Variants in KIRREL3 observed in about 807,000 individuals in gnomAD.
KIRREL3 encodes kirre like nephrin family adhesion molecule 3.
In KIRREL3, 36 loss-of-function variants were observed where a neutral mutation model predicts 89.7. The observed-to-expected ratio is 0.40, with a 90% CI of 0.31 to 0.53. The LOEUF is 0.53. Among genes scored for constraint, KIRREL3 ranks in the 20% least tolerant of loss-of-function variants. The pLI is 0.49. For synonymous variants in KIRREL3, 445 were observed against 441.4 expected (o/e 1.01, Z -0.10); for missense variants, 864 against 1,056.6 (o/e 0.82, Z 2.53).
chr11:126,438,124 G>A (rs1375869700), intron 11 of KIRREL3, among the ~76,000 whole-genome samples: 3 of 152,254 alleles, frequency 2.0e-5, no homozygotes, highest in South Asian at 2.1e-4. Context: ...TGCGCACTGC[G>A]CCTCCACACA....
intron 1 of KIRREL3, chr11:126,937,194 GA>G (rs1316450461): frequency 6.6e-6 from 1 of 152,170 alleles, no homozygotes; most frequent in African/African-American, 2.4e-5. Context: ...TAGCCAGAAA[GA>G]GGATATGACC....
At chr11:126,503,232 G>A (rs1957917410) in intron 4 of KIRREL3, among the ~76,000 whole-genome samples, 1 of 152,150 alleles carries the variant, frequency 6.6e-6, no homozygotes, top group South Asian at 2.1e-4. Flanking sequence ...GATCTTCCTG[G>A]TGGGGGGCGT....
Position 126,486,145 on chromosome 11 carries a change from G to A in KIRREL3, c.434-12679C>T, listed in dbSNP as rs139371299. ...TATGCAGAGTGGAGGAAGGGAGGTG[G>A]GTAGAGAAGGGAGCTGCAGTGATTT... is the stretch of plus-strand genomic sequence containing the variant. On this transcript the variant is annotated intron_variant, in intron 4 of 16. Transcript: ENST00000525144. The surrounding 1 kb of genome is among the most constrained non-coding windows in gnomAD (Gnocchi z 6.2). 6.6e-6 allele frequency among the ~76,000 whole-genome samples: 1 copy of A among 152,186 alleles called. No homozygotes were observed. Among genetic ancestry groups the A allele is most frequent in the Non-Finnish European group, 1.5e-5 (1 of 68,032 alleles).
In KIRREL3 at chr11:126,562,919, G is replaced by A. The variant is rs759753081; in HGVS notation, c.56-7C>T. 6 of 1,612,782 alleles carry A rather than the reference G, an allele frequency of 3.7e-6. No individual in the cohort carries two copies. Among genetic ancestry groups the A allele is most frequent in the South Asian group, 3.3e-5 (3 of 90,900 alleles). ...CTCTTCTGGAGGCCCAGCTCTGGAA[G>A]AGAAGCATAGGTGGGTGAGTTGGGA... On this transcript the variant is annotated splice_polypyrimidine_tract_variant and splice_region_variant and intron_variant, in intron 1 of 16. Transcript: ENST00000525144. This position sits in a 1 kb window ranked among gnomAD's most constrained non-coding sequence, Gnocchi z 4.7.
intron 6 of KIRREL3, among the ~76,000 whole-genome samples, chr11:126,460,337 G>A (rs945788146): frequency 1.1e-4 from 16 of 152,216 alleles, no homozygotes; most frequent in African/African-American, 3.6e-4. Context: ...CAGACACTGC[G>A]CTAGGGGGCT....
At chr11:126,662,505 G>C (rs952063281) in intron 1 of KIRREL3, among the ~76,000 whole-genome samples, 2 of 152,216 alleles carry the variant, frequency 1.3e-5, no homozygotes, top group Non-Finnish European at 2.9e-5. Context: ...ATCTGGTCTG[G>C]TGAGGGCCTT....
Position 126,891,894 on chromosome 11 carries a change from C to T in KIRREL3, c.55+108561G>A, listed in dbSNP as rs935016618. Among the ~76,000 whole-genome samples, 5 of 152,156 alleles carry T rather than the reference C, an allele frequency of 3.3e-5. No homozygotes were observed. The highest frequency in any genetic ancestry group is 9.7e-5 in the African/African-American group (4 of 41,424). On this transcript the variant is annotated intron_variant, in intron 1 of 16. Transcript: ENST00000525144. This position sits in a 1 kb window ranked among gnomAD's most constrained non-coding sequence, Gnocchi z 5.1. ...CTAGCCCAGGGAAAGAAATCTTGCC[C>T]AAGAATACATATGAATATCTGCAAA...
chr11:126,932,012 T>G (rs1947967379), intron 1 of KIRREL3, among the ~76,000 whole-genome samples: 1 of 152,224 alleles, frequency 6.6e-6, no homozygotes, highest in South Asian at 2.1e-4. Flanking sequence ...TCAAGGAGGC[T>G]TGGTATTGAT....
intron 1 of KIRREL3, among the ~76,000 whole-genome samples, chr11:126,998,709 T>G (rs1244713020): frequency 2.0e-5 from 3 of 152,194 alleles, no homozygotes; most frequent in African/African-American, 7.2e-5. Context: ...GGGAGGTACT[T>G]AGACACCTAT....
rs2064008772 is a variant in KIRREL3, at chr11:126,830,657, G to A, written c.55+169798C>T. The stretch of plus-strand genomic sequence containing the variant: ...ATTGGACAGGCAGGCACTTAGGAAG[G>A]TGTTCGTGCCAGACGCATTCATTGT... On this transcript the variant is annotated intron_variant, in intron 1 of 16. Coordinates refer to ENST00000525144, the MANE Select transcript of KIRREL3 (RefSeq NM_032531.4). This position sits in a 1 kb window ranked among gnomAD's most constrained non-coding sequence, Gnocchi z 4.9. Among the ~76,000 whole-genome samples the A allele has an allele frequency of 6.6e-6, 1 of 152,192 alleles. No homozygotes were observed.
At position 126,710,674 on chromosome 11, in the gene KIRREL3, C is replaced by A. The variant is rs1947721313; in HGVS notation, c.56-147762G>T. Among the ~76,000 whole-genome samples the A allele has an allele frequency of 6.6e-6, 1 of 152,012 alleles. No individual in the cohort carries two copies. The highest frequency in any genetic ancestry group is 2.4e-5 in the African/African-American group (1 of 41,382). ...CACTTGGACTCAGAGTCCCTGGTGCCCCGAAGGAAAGCAAATCAGCCTCAC... is the reference window on the plus strand; with the variant it reads ...CACTTGGACTCAGAGTCCCTGGTGCACCGAAGGAAAGCAAATCAGCCTCAC... On this transcript the variant is annotated intron_variant, in intron 1 of 16. Coordinates refer to ENST00000525144, the MANE Select transcript of KIRREL3 (RefSeq NM_032531.4). This position sits in a 1 kb window ranked among gnomAD's most constrained non-coding sequence, Gnocchi z 4.2.
In KIRREL3 at chr11:126,828,926, G is replaced by C. The variant is rs1010439951; in HGVS notation, c.55+171529C>G. 2.6e-5 allele frequency among the ~76,000 whole-genome samples: 4 copies of C among 152,298 alleles called. No individual in the cohort carries two copies. In the South Asian group the frequency reaches 8.3e-4, roughly 32 times the overall value. On this transcript the variant is annotated intron_variant, in intron 1 of 16. Transcript: ENST00000525144. Reference sequence around the variant, plus strand: ...TGAAGGAGAGGGGACAGTGAGATGGGAAACCAGGAGAAGCCAGCAGGAGAG... The same window carrying C: ...TGAAGGAGAGGGGACAGTGAGATGGCAAACCAGGAGAAGCCAGCAGGAGAG...
chr11:126,632,537 T>A (rs911926541), intron 1 of KIRREL3, among the ~76,000 whole-genome samples: 1 of 152,250 alleles, frequency 6.6e-6, no homozygotes, highest in Non-Finnish European at 1.5e-5. Context: ...GTGAATAATG[T>A]AACTTTATTA....
rs1248349784 is a variant in KIRREL3, at chr11:126,763,128, G to A, written c.56-200216C>T. ...ATCCTCGTCTGGCATTGAGAGAAGA[G>A]TGCAGGACTGGGTTTGAGAGCAGAT... On this transcript the variant is annotated intron_variant, in intron 1 of 16. Transcript: ENST00000525144. The surrounding 1 kb of genome is among the most constrained non-coding windows in gnomAD (Gnocchi z 4.7). 2.0e-5 allele frequency among the ~76,000 whole-genome samples: 3 copies of A among 152,170 alleles called. No individual in the cohort carries two copies. The highest frequency in any genetic ancestry group is 1.9e-4 in the East Asian group (1 of 5,184).
rs1037294795 is a variant in KIRREL3 at position 126,557,027 on chromosome 11, G to A, written c.133+5808C>T. Among the ~76,000 whole-genome samples, 2 of 152,214 alleles carry A rather than the reference G, an allele frequency of 1.3e-5. No homozygotes were observed. Among genetic ancestry groups the A allele is most frequent in the African/African-American group, 4.8e-5 (2 of 41,446 alleles). ...TCCCGGGGGCTCGGCAGGCAGTGGA[G>A]GAATGGGCTCAGGAAAATGACTGTG... On this transcript the variant is annotated intron_variant, in intron 2 of 16. Transcript: ENST00000525144. The surrounding 1 kb of genome is among the most constrained non-coding windows in gnomAD (Gnocchi z 5.6).
At position 126,553,876 on chromosome 11, in the gene KIRREL3, TTCA is replaced by T; in HGVS notation, c.133+8956_133+8958del. 6.6e-6 allele frequency among the ~76,000 whole-genome samples: 1 copy of T among 152,304 alleles called. No individual in the cohort carries two copies. The highest frequency in any genetic ancestry group is 6.5e-5 in the Admixed American group (1 of 15,302). On this transcript the variant is annotated intron_variant, in intron 2 of 16. Coordinates refer to ENST00000525144, the MANE Select transcript of KIRREL3 (RefSeq NM_032531.4). This position sits in a 1 kb window ranked among gnomAD's most constrained non-coding sequence, Gnocchi z 4.7. Reference sequence around the variant, plus strand: ...TCACTATTAGGAAAACAGCATGCAATTCAGCTCATATGCAGACCTGTATTTACC... The same window carrying T: ...TCACTATTAGGAAAACAGCATGCAATGCTCATATGCAGACCTGTATTTACC...
In KIRREL3 at chr11:126,614,916, A is replaced by G. The variant is rs986940850; in HGVS notation, c.56-52004T>C. 6.6e-6 allele frequency among the ~76,000 whole-genome samples: 1 copy of G among 152,068 alleles called. No homozygotes were observed. The highest frequency in any genetic ancestry group is 6.5e-5 in the Admixed American group (1 of 15,274). On this transcript the variant is annotated intron_variant, in intron 1 of 16. Transcript: ENST00000525144. This position sits in a 1 kb window ranked among gnomAD's most constrained non-coding sequence, Gnocchi z 4.6. ...GGTAAAATAGCTTTGTTCCTTGGAG[A>G]AAGTCATGTAGAGAGATAAGGTAGG...
chr11:126,717,465 A>C (rs958824914), intron 1 of KIRREL3, among the ~76,000 whole-genome samples: 5 of 152,154 alleles, frequency 3.3e-5, no homozygotes, highest in Non-Finnish European at 7.3e-5. Flanking sequence ...ATTACCCTAG[A>C]TCTATTGACT....
rs1418489237 is a variant in KIRREL3 at position 126,425,042 on chromosome 11, G to A, written c.1894-19C>T. 3 of 1,498,682 alleles carry A rather than the reference G, an allele frequency of 2.0e-6. No homozygotes were observed. The highest frequency in any genetic ancestry group is 1.8e-6 in the Non-Finnish European group (2 of 1,122,972). The allele number at this position is 1,498,682 out of a possible 1,614,324, so 92.8% of individuals were successfully genotyped here. A position where few individuals can be genotyped will look rare whatever the true frequency, so the allele number is the denominator to read the frequency against. The stretch of plus-strand genomic sequence containing the variant: ...TGGGGTCCTGGATGGGCGAGAGGAA[G>A]AGGAGCGTCACCTGGTGGAGTCTCC... On this transcript the variant is annotated intron_variant, in intron 16 of 16. Transcript: ENST00000525144.
Sources: allele counts gnomAD v4.1 joint callset (sites outside exome capture counted in the v4.1 genomes callset), GRCh38; gene constraint gnomAD v4.1.1; non-coding constraint Gnocchi (gnomAD v3.1); transcripts MANE v1.5; gene names NCBI Gene and HGNC (gene_info 2026-07-23, HGNC 2026-07-21).